Variants in DCP1B observed in about 807,000 individuals in gnomAD.
The protein encoded by DCP1B is decapping mRNA 1B, also known as mRNA-decapping enzyme 1B.
A neutral mutation model predicts 60.5 loss-of-function variants in DCP1B; 47 were observed. The ratio of observed to expected loss-of-function variants is 0.78; its 90% CI spans 0.61 to 0.99. The LOEUF (loss-of-function observed/expected upper bound fraction) is 0.99, where lower values mean the gene tolerates loss of function less well. DCP1B is among the 50% of genes least tolerant of loss of function. The pLI, the probability that DCP1B is intolerant of heterozygous loss-of-function variation, is 0.00. For missense variants in DCP1B, 725 were observed against 756.8 expected, an observed-to-expected ratio of 0.96 and a Z score of 0.49; for synonymous variants, 267 against 280.3, an observed-to-expected ratio of 0.95 and a Z score of 0.47.
chr12:1,967,804 G>A, intron 4 of DCP1B, 40 bp downstream of exon 4: 1 of 1,556,542 alleles, frequency 6.4e-7, no homozygotes, highest in Non-Finnish European at 8.8e-7. Flanking sequence ...ACAAACAAAA[G>A]CACCAGGTCC....
chr12:1,976,000 C>G (rs2190766), intron 3 of DCP1B, among the ~76,000 whole-genome samples: 19,164 of 152,116 alleles, frequency 0.13, 1,466 homozygotes, highest in Admixed American at 0.19. Context: ...CACAACTCAA[C>G]ACACAGAAAA....
intron 5 of DCP1B, among the ~76,000 whole-genome samples, chr12:1,958,531 C>T (rs113689180): frequency 7.9e-4 from 47 of 59,440 alleles, no homozygotes; most frequent in South Asian, 3.8e-3. Flanking sequence ...CGTCGCTCTG[C>T]GCAATGGCTT....
chr12:1,941,690 T>C (rs1322245951), downstream of DCP1B, among the ~76,000 whole-genome samples: 8 of 152,238 alleles, frequency 5.3e-5, no homozygotes, highest in Admixed American at 5.2e-4. Context: ...ACGTCCTTTT[T>C]GTTAATGTTG....
At chr12:1,953,351 A>G (rs2030762628) in intron 6 of DCP1B, 63 bp from the exon 7 acceptor site, 3 of 1,474,218 alleles carry the variant, frequency 2.0e-6, no homozygotes, top group Non-Finnish European at 2.7e-6. Context: ...AGGAAGTGCT[A>G]TGAAACATAA....
At chr12:2,003,269 C>T (rs1274330476) in intron 1 of DCP1B, among the ~76,000 whole-genome samples, 5 of 152,172 alleles carry the variant, frequency 3.3e-5, no homozygotes, top group Non-Finnish European at 5.9e-5. Context: ...AGTTGTTCAA[C>T]ATGGATGTTT....
At position 1,971,326 on chromosome 12, in the gene DCP1B, A is replaced by T; in HGVS notation, c.320-3416T>A. ...ACTCATCTCTCCATATTTAATCAGGATTTACCACACACCGTTGTAAAATTT... is the reference window on the plus strand; with the variant it reads ...ACTCATCTCTCCATATTTAATCAGGTTTTACCACACACCGTTGTAAAATTT... On this transcript the variant is annotated intron_variant, in intron 3 of 8. Transcript: ENST00000280665. This position sits in a 1 kb window ranked among gnomAD's most constrained non-coding sequence, Gnocchi z 4.2. The T allele has an allele frequency of 2.1e-6, 1 of 477,236 alleles. No individual in the cohort carries two copies. Among genetic ancestry groups the T allele is most frequent in the Non-Finnish European group, 3.4e-6 (1 of 296,066 alleles). 29.6% of individuals were successfully genotyped at this position (477,236 alleles called of 1,614,324 possible).
rs912838685 is a variant in DCP1B at position 1,952,681 on chromosome 12, T to C, written c.1259A>G (p.Gln420Arg). The change falls in exon 7 of 9, where the codon CAG (glutamine) becomes CGG (arginine). Residue 420 changes from glutamine (Q) to arginine (R), a missense_variant. Transcript: ENST00000280665. ...GSLPPQTVGH[Q>R]AHGREQSTLP... ...TGTGGACTGTTCTCTTCCATGAGCC[T>C]GATGTCCTACTGTCTGAGGTGGAAG... The C allele has an allele frequency of 6.2e-7, 1 of 1,614,054 alleles. No homozygotes were observed. The highest frequency in any genetic ancestry group is 1.3e-5 in the African/African-American group (1 of 74,916).
At chr12:2,001,451 T>TA (rs1464426760) in intron 1 of DCP1B, among the ~76,000 whole-genome samples, 1 of 152,192 alleles carries the variant, frequency 6.6e-6, no homozygotes, top group Non-Finnish European at 1.5e-5. Context: ...TTCAAAATAC[T>TA]AAAAAACCCA....
At chr12:1,954,318 ACTT>A (rs1309875516) in intron 6 of DCP1B, among the ~76,000 whole-genome samples, 1 of 152,292 alleles carries the variant, frequency 6.6e-6, no homozygotes, top group African/African-American at 2.4e-5. Context: ...AAATTAGAAG[ACTT>A]CTTTTCTTTA....
chr12:1,999,118 C>A (rs1215339768), intron 1 of DCP1B, among the ~76,000 whole-genome samples: 1 of 152,200 alleles, frequency 6.6e-6, no homozygotes, highest in Non-Finnish European at 1.5e-5. Context: ...GAAATGCAAG[C>A]TCTTGGGCTC....
At chr12:1,990,789 C>T (rs1453341298) in intron 3 of DCP1B, among the ~76,000 whole-genome samples, 1 of 152,162 alleles carries the variant, frequency 6.6e-6, no homozygotes, top group East Asian at 1.9e-4. Context: ...CACCAAAGAA[C>T]ATGTAAACCA....
rs546249973 is a variant in DCP1B, at chr12:1,953,525, G to A, written c.652-237C>T. Among the ~76,000 whole-genome samples the A allele has an allele frequency of 5.9e-5, 9 of 152,162 alleles. 1 individual carries two copies. In the South Asian group the frequency reaches 1.0e-3, roughly 18 times the overall value. On this transcript the variant is annotated intron_variant, in intron 6 of 8. Coordinates refer to ENST00000280665, the MANE Select transcript of DCP1B (RefSeq NM_152640.5). ...TATTATATTTTAATATCTGTTGACC[G>A]ATAAAACAGGTATAAGATCTTCAAG...
intron 2 of DCP1B, among the ~76,000 whole-genome samples, chr12:1,993,607 T>C (rs1003274476): frequency 6.7e-6 from 1 of 149,024 alleles, no homozygotes; most frequent in Non-Finnish European, 1.5e-5. Flanking sequence ...TTTGGTAAAA[T>C]TGAGTCATAC....
chr12:1,991,405 C>T (rs931557764), intron 3 of DCP1B: 14 of 234,450 alleles, frequency 6.0e-5, no homozygotes, highest in Non-Finnish European at 1.0e-4. Flanking sequence ...AGGGGAACCA[C>T]GAACGTGAGC....
chr12:1,945,054 C>T (rs2030375120), downstream of DCP1B, among the ~76,000 whole-genome samples: 2 of 152,198 alleles, frequency 1.3e-5, no homozygotes, highest in South Asian at 4.2e-4. Context: ...GGCTAATATC[C>T]AGAATCTACA....
At chr12:1,950,028 T>C (rs965924413) in intron 7 of DCP1B, 17 of 356,324 alleles carry the variant, frequency 4.8e-5, no homozygotes, top group African/African-American at 3.5e-4. Context: ...GCAAGTGACA[T>C]TTTGATCCTT....
chr12:1,985,071 G>T (rs1281505622), intron 3 of DCP1B, among the ~76,000 whole-genome samples: 6 of 151,592 alleles, frequency 4.0e-5, no homozygotes, highest in African/African-American at 1.5e-4. Flanking sequence ...TCAGCAGTTT[G>T]ATTGTGACTG....
intron 3 of DCP1B, among the ~76,000 whole-genome samples, chr12:1,979,067 T>C (rs766617966): frequency 6.6e-6 from 1 of 152,200 alleles, no homozygotes; most frequent in Non-Finnish European, 1.5e-5. Context: ...TGGAGTGCAA[T>C]GGCGCGATCT....
intron 4 of DCP1B, 49 bp downstream of exon 4, chr12:1,967,795 C>T (rs1258966083): frequency 1.3e-6 from 2 of 1,526,252 alleles, no homozygotes; most frequent in Non-Finnish European, 1.8e-6. Flanking sequence ...CTTAGAAATA[C>T]AAACAAAAGC....
Sources: allele counts gnomAD v4.1 joint callset (sites outside exome capture counted in the v4.1 genomes callset), GRCh38; gene constraint gnomAD v4.1.1; non-coding constraint Gnocchi (gnomAD v3.1); transcripts MANE v1.5; gene names NCBI Gene and HGNC (gene_info 2026-07-23, HGNC 2026-07-21).